Variants in JPT2 observed in about 807,000 individuals in gnomAD.
The protein encoded by JPT2 is CRAMP_1 like.
JPT2 carries 9 observed loss-of-function variants against 15.9 expected under a neutral mutation model. The ratio of observed to expected loss-of-function variants is 0.57; its 90% CI spans 0.34 to 0.99. The LOEUF is 0.99. JPT2 is among the 50% of genes least tolerant of loss of function. JPT2 has a pLI of 0.02. For synonymous variants in JPT2, 95 were observed against 91.7 expected (o/e 1.04, Z -0.21); for missense variants, 267 against 252.1 (o/e 1.06, Z -0.40).
At chr16:1,691,786 G>A in intron 2 of JPT2, 57 bp from the exon 3 acceptor site, 2 of 1,571,164 alleles carry the variant, frequency 1.3e-6, no homozygotes, top group Non-Finnish European at 1.7e-6. Context: ...CGGGGGTGGG[G>A]TGGGGTGGGG....
chr16:1,699,390 G>C lies in JPT2; in HGVS notation c.*392G>C. ...ACTGCTGCTGTGGGATGGAGGAGGC[G>C]TAAGCAGAAACACTAACAGTATATT... On this transcript the variant is annotated 3_prime_UTR_variant, in exon 5 of 5. Coordinates refer to ENST00000248098, the MANE Select transcript of JPT2 (RefSeq NM_144570.3). 2.3e-6 allele frequency: 1 copy of C among 429,686 alleles called. No homozygotes were observed. The allele number at this position is 429,686 out of a possible 1,614,324, so 26.6% of individuals were successfully genotyped here.
chr16:1,697,673 G>A (rs1401385676), intron 3 of JPT2, 139 bp from the exon 4 acceptor site: 1 of 706,470 alleles, frequency 1.4e-6, no homozygotes, highest in African/African-American at 1.8e-5. Flanking sequence ...AGTCTGTAGA[G>A]GATTGGGGGG....
At chr16:1,702,316 G>T, downstream of JPT2, 1 of 316,180 alleles carries the variant, frequency 3.2e-6, no homozygotes, top group South Asian at 2.4e-5. Flanking sequence ...ACAGGGTATA[G>T]AGCGAGTTCC....
chr16:1,680,310 A>G (rs2235487), intron 1 of JPT2: 216,379 of 997,406 alleles, frequency 0.22, 24,595 homozygotes, highest in South Asian at 0.27. Flanking sequence ...GGTGTTTATT[A>G]TCACCCTGAG....
chr16:1,683,412 G>A, intron 1 of JPT2: 1 of 760,018 alleles, frequency 1.3e-6, no homozygotes, highest in Non-Finnish European at 2.2e-6. Flanking sequence ...CTCCCGGACA[G>A]CCCTTTCTCA....
intron 3 of JPT2, chr16:1,692,358 A>G (rs1330836192): frequency 1.2e-5 from 3 of 248,754 alleles, no homozygotes; most frequent in Non-Finnish European, 2.4e-5. Context: ...TTGCAGAGGA[A>G]AAGTGACAGT....
intron 1 of JPT2, among the ~76,000 whole-genome samples, chr16:1,685,085 G>A (rs980913931): frequency 6.6e-6 from 1 of 152,106 alleles, no homozygotes; most frequent in Non-Finnish European, 1.5e-5. Flanking sequence ...ACAGCACTTT[G>A]GGACGCCAAG....
At chr16:1,688,563 T>C (rs1222843255) in intron 2 of JPT2, 2 of 152,238 alleles carry the variant, frequency 1.3e-5, no homozygotes, top group Admixed American at 1.3e-4. Context: ...ATTTATCTTT[T>C]AGTTTTGCTT....
chr16:1,685,674 C>T (rs1412112767), intron 2 of JPT2, 87 bp downstream of exon 2: 1 of 1,368,978 alleles, frequency 7.3e-7, no homozygotes, highest in African/African-American at 1.5e-5. Flanking sequence ...GATCCTTTCC[C>T]ATATTGTCTG....
chr16:1,687,939 G>A (rs2037079320), intron 2 of JPT2, among the ~76,000 whole-genome samples: 2 of 152,182 alleles, frequency 1.3e-5, no homozygotes, highest in African/African-American at 4.8e-5. Context: ...GAGGCCGAGA[G>A]TGTGTGTGAC....
In JPT2 at chr16:1,700,164, C is replaced by G. The variant is rs1567473139; in HGVS notation, c.*1166C>G. The G allele has an allele frequency of 2.2e-6, 1 of 456,058 alleles. No homozygotes were observed. The highest frequency in any genetic ancestry group is 2.3e-5 in the Admixed American group (1 of 42,580). 28.3% of individuals were successfully genotyped at this position (456,058 alleles called of 1,614,324 possible). A position where few individuals can be genotyped will look rare whatever the true frequency, so the allele number is the denominator to read the frequency against. Reference sequence around the variant, plus strand: ...CTTTATAGAACTTCTGGATCTAACTCACAAACAAGCTTCCAGAAGAGACTA... The same window carrying G: ...CTTTATAGAACTTCTGGATCTAACTGACAAACAAGCTTCCAGAAGAGACTA... On this transcript the variant is annotated 3_prime_UTR_variant, in exon 5 of 5. Transcript: ENST00000248098.
In JPT2 at chr16:1,699,149, C is replaced by G. The variant is rs1308420731; in HGVS notation, c.*151C>G. On this transcript the variant is annotated 3_prime_UTR_variant, in exon 5 of 5. Coordinates refer to ENST00000248098, the MANE Select transcript of JPT2 (RefSeq NM_144570.3). ...CAGCGTCTCCTGGCCGTCATGACAGCTGCTTGGAGACCCGTGCCTTCCAGA... is the reference window on the plus strand; with the variant it reads ...CAGCGTCTCCTGGCCGTCATGACAGGTGCTTGGAGACCCGTGCCTTCCAGA... 2.4e-6 allele frequency: 2 copies of G among 819,110 alleles called. No homozygotes were observed. The highest frequency in any genetic ancestry group is 4.1e-6 in the Non-Finnish European group (2 of 489,942). The allele number at this position is 819,110 out of a possible 1,614,324, so 50.7% of individuals were successfully genotyped here. A position where few individuals can be genotyped will look rare whatever the true frequency, so the allele number is the denominator to read the frequency against.
intron 1 of JPT2, chr16:1,683,563 T>A (rs1217805436): frequency 2.6e-6 from 4 of 1,535,484 alleles, no homozygotes; most frequent in Non-Finnish European, 3.5e-6. Context: ...GCCTCCTGAG[T>A]GGACAGGGGC....
chr16:1,682,015 C>T (rs953811973), intron 1 of JPT2, among the ~76,000 whole-genome samples: 15 of 152,368 alleles, frequency 9.8e-5, no homozygotes, highest in African/African-American at 3.6e-4. Context: ...AGGCCTTCAT[C>T]CCTTATTTCC....
intron 3 of JPT2, among the ~76,000 whole-genome samples, chr16:1,694,767 A>G (rs2037129308): frequency 6.6e-6 from 1 of 152,220 alleles, no homozygotes; most frequent in Non-Finnish European, 1.5e-5. Context: ...CATTGGTACA[A>G]TTGCATATGC....
At chr16:1,695,512 C>T (rs752031061) in intron 3 of JPT2, among the ~76,000 whole-genome samples, 1 of 151,888 alleles carries the variant, frequency 6.6e-6, no homozygotes, top group Middle Eastern at 3.4e-3. Context: ...TTCAAGGCTG[C>T]AGAGAGCAGT....
At chr16:1,692,411 C>A in intron 3 of JPT2, 1 of 188,098 alleles carries the variant, frequency 5.3e-6, no homozygotes, top group Non-Finnish European at 1.1e-5. Flanking sequence ...AGGTCCTCGG[C>A]TGGTTACCTG....
intron 1 of JPT2, chr16:1,683,767 G>A: frequency 1.8e-6 from 1 of 568,752 alleles, no homozygotes; most frequent in Non-Finnish European, 3.1e-6. Flanking sequence ...AGGAGAAACT[G>A]TTATTTTTGT....
intron 1 of JPT2, chr16:1,683,486 T>C: frequency 6.8e-7 from 1 of 1,480,960 alleles, no homozygotes; most frequent in Non-Finnish European, 9.0e-7. Context: ...GTCTTTTTTT[T>C]TCTCCCTCCT....
Sources: allele counts gnomAD v4.1 joint callset (sites outside exome capture counted in the v4.1 genomes callset), GRCh38; gene constraint gnomAD v4.1.1; transcripts MANE v1.5; gene names NCBI Gene and HGNC (gene_info 2026-07-23, HGNC 2026-07-21).